The following TTLL11 variants were observed in gnomAD, a reference collection of about 807,000 sequenced individuals.
TTLL11 encodes the protein tubulin polyglutamylase TTLL11.
A neutral mutation model predicts 51.7 loss-of-function variants in TTLL11; 42 were observed. The ratio of observed to expected loss-of-function variants is 0.81; its 90% CI spans 0.64 to 1.05. TTLL11 has a LOEUF of 1.05. Among genes scored for constraint, TTLL11 ranks in the 50% least tolerant of loss-of-function variants. The pLI is 0.00. For synonymous variants in TTLL11, 381 were observed against 383.5 expected (o/e 0.99, Z 0.08); for missense variants, 799 against 940.4 (o/e 0.85, Z 1.97).
At chr9:121,967,215 T>A (rs1842423302) in intron 6 of TTLL11, among the ~76,000 whole-genome samples, 4 of 43,650 alleles carry the variant, frequency 9.2e-5, no homozygotes, top group Non-Finnish European at 1.6e-4. Flanking sequence ...GGGAGATTTT[T>A]TTTTTTTTTT....
chr9:121,977,746 C>T (rs1250804485), intron 4 of TTLL11, among the ~76,000 whole-genome samples: 1 of 150,404 alleles, frequency 6.6e-6, no homozygotes, highest in Non-Finnish European at 1.5e-5. Context: ...ACCATCTCGG[C>T]TCACTGCAAC....
intron 1 of TTLL11, among the ~76,000 whole-genome samples, chr9:122,090,312 G>A (rs1202866203): frequency 6.6e-6 from 1 of 152,054 alleles, no homozygotes; most frequent in Non-Finnish European, 1.5e-5. Flanking sequence ...TCTGTTAATG[G>A]CTCACATAGC....
At chr9:121,992,948 A>G (rs531230615) in intron 3 of TTLL11, among the ~76,000 whole-genome samples, 25 of 152,348 alleles carry the variant, frequency 1.6e-4, no homozygotes, top group African/African-American at 5.5e-4. Context: ...CAGCCTTAAG[A>G]AGGAAAGAAA....
intron 1 of TTLL11, among the ~76,000 whole-genome samples, chr9:122,079,636 G>C (rs1456845652): frequency 1.3e-5 from 2 of 151,972 alleles, no homozygotes; most frequent in African/African-American, 4.8e-5. Flanking sequence ...GTGAACCCAG[G>C]AGGTGGAGGT....
chr9:122,045,429 T>C (rs1383687542), intron 1 of TTLL11, among the ~76,000 whole-genome samples: 1 of 152,070 alleles, frequency 6.6e-6, no homozygotes, highest in Non-Finnish European at 1.5e-5. Context: ...GGCGCGCCTG[T>C]AATTCCAGTT....
chr9:122,056,770 A>G (rs530200684), intron 1 of TTLL11, among the ~76,000 whole-genome samples: 2 of 152,366 alleles, frequency 1.3e-5, no homozygotes, highest in East Asian at 3.9e-4. Flanking sequence ...GTCCATGTCT[A>G]TGTCAAGCCT....
chr9:122,088,131 C>T lies in TTLL11; in HGVS notation c.462+4556G>A, dbSNP rs934841038. Among the ~76,000 whole-genome samples, 7 of 152,184 alleles carry T rather than the reference C, an allele frequency of 4.6e-5. No homozygotes were observed. The South Asian group carries it at 6.2e-4, about 13-fold the overall frequency. ...ATCTGTGATTAAATTCAGTCAGAAG[C>T]GCAAGCTTCTTGGCATGGCCTTCAC... On this transcript the variant is annotated intron_variant, in intron 1 of 8. Coordinates refer to ENST00000321582, the MANE Select transcript of TTLL11 (RefSeq NM_001139442.2).
chr9:121,861,657 C>T (rs1347747193), intron 7 of TTLL11, among the ~76,000 whole-genome samples: 2 of 152,196 alleles, frequency 1.3e-5, no homozygotes, highest in Admixed American at 1.3e-4. Flanking sequence ...GCCCTCGGCA[C>T]TGCCCTCTCC....
chr9:122,005,156 G>A (rs1163228521), intron 3 of TTLL11, among the ~76,000 whole-genome samples: 1 of 152,184 alleles, frequency 6.6e-6, no homozygotes, highest in African/African-American at 2.4e-5. Flanking sequence ...ATAGTAAATT[G>A]CCCGTTTCTG....
In TTLL11 at chr9:122,016,694, T is replaced by C. The variant is rs568256887; in HGVS notation, c.693+15029A>G. Among the ~76,000 whole-genome samples the C allele has an allele frequency of 1.3e-3, 193 of 152,222 alleles. 2 individuals are homozygous for C. Among genetic ancestry groups the C allele is most frequent in the Non-Finnish European group, 3.7e-4 (25 of 68,014 alleles). On this transcript the variant is annotated intron_variant, in intron 3 of 8. Transcript: ENST00000321582. ...TTGGGATGGTAACTGGAGAGGAAAA[T>C]GGAAGAATCTCATGCTTGCTGCTTC... is the stretch of plus-strand genomic sequence containing the variant.
chr9:122,002,944 C>CAAAAAAAAAA lies in TTLL11; in HGVS notation c.694-13184_694-13175dup, dbSNP rs547408355. Among the ~76,000 whole-genome samples the CAAAAAAAAAA allele has an allele frequency of 1.1e-4, 7 of 61,230 alleles. 1 individual carries two copies. Among genetic ancestry groups the CAAAAAAAAAA allele is most frequent in the African/African-American group, 5.9e-4 (7 of 11,896 alleles). 40.2% of individuals were successfully genotyped at this position (61,230 alleles called of 152,430 possible). A position where few individuals can be genotyped will look rare whatever the true frequency, so the allele number is the denominator to read the frequency against. On this transcript the variant is annotated intron_variant, in intron 3 of 8. Coordinates refer to ENST00000321582, the MANE Select transcript of TTLL11 (RefSeq NM_001139442.2). ...CTGGCAACAGAGTGAGACTCTGTCT[C>CAAAAAAAAAA]AAAAAAAAAAAAAAAAAAAAGAGAT...
chr9:121,854,004 C>T (rs1011995167), intron 8 of TTLL11, among the ~76,000 whole-genome samples: 5 of 152,194 alleles, frequency 3.3e-5, no homozygotes, highest in African/African-American at 1.2e-4. Flanking sequence ...TGGCCCTGAG[C>T]GCTTTCCGTG....
Position 121,989,479 on chromosome 9 carries a change from C to G in TTLL11, c.985G>C (p.Glu329Gln), listed in dbSNP as rs1843040745. ...CGGTGCAGGTTTTTGGGGGTGGGCT[C>G]CTGATATGGCTCGGTACAAAACCTA... ...LSRFCTEPYQ[E>Q]PTPKNLHRIF... is the part of the protein sequence containing the mutation. The change falls in exon 4 of 9, where the codon GAG (glutamate) becomes CAG (glutamine). Residue 329 changes from glutamate (E) to glutamine (Q), a missense_variant. Coordinates refer to ENST00000321582, the MANE Select transcript of TTLL11 (RefSeq NM_001139442.2). The surrounding 1 kb of genome is among the most constrained non-coding windows in gnomAD (Gnocchi z 4.2). 6.2e-7 allele frequency: 1 copy of G among 1,614,114 alleles called. No individual in the cohort carries two copies. Among genetic ancestry groups the G allele is most frequent in the Non-Finnish European group, 8.5e-7 (1 of 1,180,042 alleles).
intron 1 of TTLL11, among the ~76,000 whole-genome samples, chr9:122,056,090 T>C (rs912705515): frequency 2.0e-5 from 3 of 152,166 alleles, no homozygotes; most frequent in African/African-American, 7.2e-5. Context: ...CAATCGACAA[T>C]GACTTGTCCT....
In TTLL11 at chr9:121,912,502, T is replaced by C. The variant is rs570676783; in HGVS notation, c.1482-41754A>G. 2.0e-5 allele frequency among the ~76,000 whole-genome samples: 3 copies of C among 151,816 alleles called. No individual in the cohort carries two copies. In the South Asian group the frequency reaches 6.3e-4, roughly 32 times the overall value. ...CGGAATGCCCCTCTCTGCCCCACAG[T>C]CCATGCAGGCGTCGTGTGTCACCAA... On this transcript the variant is annotated intron_variant, in intron 6 of 8. Transcript: ENST00000321582.
Position 121,821,339 on chromosome 9 carries a change from C to T in TTLL11, c.*1248G>A, listed in dbSNP as rs1179112797. On this transcript the variant is annotated 3_prime_UTR_variant, in exon 9 of 9. Coordinates refer to ENST00000321582, the MANE Select transcript of TTLL11 (RefSeq NM_001139442.2). This position sits in a 1 kb window ranked among gnomAD's most constrained non-coding sequence, Gnocchi z 5.0. ...AGCATTTTCTGAGTCCTACAGTGCA[C>T]CACACCAGGCACAGTACTAGCGCCT... 6.6e-6 allele frequency among the ~76,000 whole-genome samples: 1 copy of T among 152,128 alleles called. No homozygotes were observed. Among genetic ancestry groups the T allele is most frequent in the Non-Finnish European group, 1.5e-5 (1 of 68,026 alleles).
chr9:121,988,978 C>T, intron 4 of TTLL11: 1 of 1,084,576 alleles, frequency 9.2e-7, no homozygotes, highest in East Asian at 2.5e-5. Context: ...TTTCATTTTA[C>T]AGGTAACAGA....
chr9:121,912,598 A>T (rs1840175318), intron 6 of TTLL11, among the ~76,000 whole-genome samples: 1 of 152,068 alleles, frequency 6.6e-6, no homozygotes, highest in Non-Finnish European at 1.5e-5. Context: ...CCACTGTTGA[A>T]CTTGTCACCC....
At chr9:122,003,903 G>A (rs899102874) in intron 3 of TTLL11, among the ~76,000 whole-genome samples, 2 of 150,592 alleles carry the variant, frequency 1.3e-5, no homozygotes, top group Admixed American at 6.6e-5. Context: ...GGATCATGAG[G>A]TCAGGAGTTT....
Sources: allele counts gnomAD v4.1 joint callset (sites outside exome capture counted in the v4.1 genomes callset), GRCh38; gene constraint gnomAD v4.1.1; non-coding constraint Gnocchi (gnomAD v3.1); transcripts MANE v1.5; gene names NCBI Gene and HGNC (gene_info 2026-07-23, HGNC 2026-07-21).